NFIC: variants seen among roughly 807,000 people sequenced by gnomAD.
NFIC encodes nuclear factor I C.
A neutral mutation model predicts 54.4 loss-of-function variants in NFIC; 12 were observed. The ratio of observed to expected loss-of-function variants is 0.22; its 90% CI spans 0.14 to 0.36. The LOEUF is 0.36. NFIC is among the 10% of genes least tolerant of loss of function. NFIC has a pLI of 1.00. For synonymous variants in NFIC, 322 were observed against 319.2 expected (o/e 1.01, Z -0.09); for missense variants, 575 against 718.2 (o/e 0.80, Z 2.28).
intron 2 of NFIC, among the ~76,000 whole-genome samples, chr19:3,397,860 G>A (rs535599890): frequency 2.1e-4 from 32 of 152,348 alleles, no homozygotes; most frequent in Middle Eastern, 3.4e-3. Flanking sequence ...TCATGTGTCT[G>A]ACGGGGGTGG....
At chr19:3,391,870 G>A (rs1354838940) in intron 2 of NFIC, among the ~76,000 whole-genome samples, 1 of 152,068 alleles carries the variant, frequency 6.6e-6, no homozygotes, top group African/African-American at 2.4e-5. Flanking sequence ...CAATAAATAA[G>A]AAAAATAGTG....
At chr19:3,457,739 G>A (rs1244341429) in intron 10 of NFIC, 1 of 152,250 alleles carries the variant, frequency 6.6e-6, no homozygotes, top group African/African-American at 2.4e-5. Context: ...AGAGCCCACG[G>A]GCAAGGGTCA....
At chr19:3,384,498 C>G (rs2081262612) in intron 2 of NFIC, among the ~76,000 whole-genome samples, 1 of 152,110 alleles carries the variant, frequency 6.6e-6, no homozygotes, top group Non-Finnish European at 1.5e-5. Context: ...AAGCGATTCT[C>G]CTGCCTTTGC....
At chr19:3,385,680 C>T (rs1485588245) in intron 2 of NFIC, among the ~76,000 whole-genome samples, 1 of 148,298 alleles carries the variant, frequency 6.7e-6, no homozygotes, top group Non-Finnish European at 1.5e-5. Flanking sequence ...TCAAGCAATT[C>T]TCCTGCCTCA....
At position 3,413,134 on chromosome 19, in the gene NFIC, A is replaced by G. The variant is rs1434159029; in HGVS notation, c.563-11972A>G. Among the ~76,000 whole-genome samples the G allele has an allele frequency of 2.0e-5, 3 of 152,188 alleles. No homozygotes were observed. In the East Asian group the frequency reaches 5.8e-4, roughly 29 times the overall value. ...CGGCTAATTTTTGTATTTTTAGTAG[A>G]GATGGGGTTTCACCGTGTTAGCCAG... is the stretch of plus-strand genomic sequence containing the variant. On this transcript the variant is annotated intron_variant, in intron 2 of 10. Coordinates refer to ENST00000443272, the MANE Select transcript of NFIC (RefSeq NM_001245002.2).
chr19:3,445,258 G>C (rs2145663740), intron 6 of NFIC, among the ~76,000 whole-genome samples: 1 of 152,296 alleles, frequency 6.6e-6, no homozygotes, highest in East Asian at 1.9e-4. Flanking sequence ...GACAAGACCA[G>C]CCTGGCCTCC....
intron 1 of NFIC, among the ~76,000 whole-genome samples, chr19:3,371,908 C>T (rs919848237): frequency 1.6e-5 from 2 of 126,668 alleles, no homozygotes; most frequent in African/African-American, 3.0e-5. Context: ...TCCTTCCTTC[C>T]TTCCTTCCTT....
At chr19:3,402,743 G>A (rs2081577487) in intron 2 of NFIC, among the ~76,000 whole-genome samples, 1 of 152,232 alleles carries the variant, frequency 6.6e-6, no homozygotes, top group Non-Finnish European at 1.5e-5. Flanking sequence ...GAGACCAGGA[G>A]AGATCTCAAG....
chr19:3,360,850 G>A (rs998308194), intron 1 of NFIC, among the ~76,000 whole-genome samples: 2 of 152,324 alleles, frequency 1.3e-5, no homozygotes, highest in South Asian at 4.1e-4. Context: ...GTTGGGGGGG[G>A]TCGCCAGGGA....
At position 3,433,996 on chromosome 19, in the gene NFIC, C is replaced by A. The variant is rs537304947; in HGVS notation, c.710-281C>A. 2.0e-5 allele frequency among the ~76,000 whole-genome samples: 3 copies of A among 152,266 alleles called. No homozygotes were observed. In the East Asian group the frequency reaches 5.8e-4, roughly 29 times the overall value. ...CACCCCAGCGAGTCCTGGGCGCTGT[C>A]CTTCTTTAGCCCTGACTGACACCTT... On this transcript the variant is annotated intron_variant, in intron 4 of 10. Transcript: ENST00000443272.
chr19:3,381,754 C>G lies in NFIC; in HGVS notation c.73C>G (p.Arg25Gly). The change falls in exon 2 of 11, where the codon CGC becomes GGC. Residue 25 changes from arginine to glycine, a missense_variant. Around this residue, in one of 3 missense-constraint regions of NFIC, gnomAD observed 122 missense variants for 158.0 expected, o/e 0.77. Transcript: ENST00000443272. ...PFIEALLPHV[R>G]AFAYTWFNLQ... ...CATCGAGGCCCTGCTGCCTCACGTC[C>G]GCGCCTTCGCCTACACCTGGTTCAA... 2 of 1,613,862 alleles carry G rather than the reference C, an allele frequency of 1.2e-6. No individual in the cohort carries two copies. The highest frequency in any genetic ancestry group is 1.1e-5 in the South Asian group (1 of 91,090).
intron 1 of NFIC, among the ~76,000 whole-genome samples, chr19:3,372,707 T>TC (rs1555739438): frequency 2.3e-5 from 2 of 88,810 alleles, no homozygotes; most frequent in African/African-American, 8.7e-5. Context: ...GGCCCAGGAG[T>TC]GGGGTGGGGG....
intron 2 of NFIC, among the ~76,000 whole-genome samples, chr19:3,401,617 G>C (rs2081556469): frequency 2.0e-5 from 3 of 152,220 alleles, no homozygotes; most frequent in Admixed American, 2.0e-4. Context: ...TAGCGGGCAA[G>C]CTGGGATATG....
In NFIC at chr19:3,378,265, A is replaced by G. The variant is rs575969767; in HGVS notation, c.31-3447A>G. Among the ~76,000 whole-genome samples the G allele has an allele frequency of 1.9e-3, 289 of 150,904 alleles. 6 individuals are homozygous for G. The highest frequency in any genetic ancestry group is 2.4e-3 in the East Asian group (12 of 5,098). On this transcript the variant is annotated intron_variant, in intron 1 of 10. Transcript: ENST00000443272. Reference sequence around the variant, plus strand: ...GACAAGAGTGAAACTCTGTCTCAAAAAAAAAAAAAAAAAAAAGGAGATGGG... The same window carrying G: ...GACAAGAGTGAAACTCTGTCTCAAAGAAAAAAAAAAAAAAAAGGAGATGGG...
At chr19:3,419,723 C>T (rs749701286) in intron 2 of NFIC, among the ~76,000 whole-genome samples, 51 of 151,386 alleles carry the variant, frequency 3.4e-4, no homozygotes, top group Non-Finnish European at 5.9e-4. Flanking sequence ...CACTTGAACC[C>T]GGGAGGCAGA....
At chr19:3,441,468 C>T (rs370305073) in intron 6 of NFIC, among the ~76,000 whole-genome samples, 1 of 152,396 alleles carries the variant, frequency 6.6e-6, no homozygotes, top group Non-Finnish European at 1.5e-5. Context: ...GGCAGAGCCC[C>T]GAGCTTATGC....
chr19:3,429,919 G>A (rs929309933), intron 3 of NFIC, among the ~76,000 whole-genome samples: 5 of 152,152 alleles, frequency 3.3e-5, no homozygotes, highest in Non-Finnish European at 7.3e-5. Context: ...GTCACGGGGC[G>A]GTTGCCAGGC....
chr19:3,463,048 G>C lies in NFIC; in HGVS notation c.*279G>C. On this transcript the variant is annotated 3_prime_UTR_variant, in exon 11 of 11. Transcript: ENST00000443272. The stretch of plus-strand genomic sequence containing the variant: ...TTCCAACTCTCGGGACGCCAAGGCC[G>C]CAGGACTGGAGGGCCAGGCCCCGCC... The C allele has an allele frequency of 7.5e-7, 1 of 1,340,038 alleles. No homozygotes were observed. The highest frequency in any genetic ancestry group is 1.5e-5 in the African/African-American group (1 of 66,452). 83.0% of individuals were successfully genotyped at this position (1,340,038 alleles called of 1,614,324 possible).
intron 7 of NFIC, among the ~76,000 whole-genome samples, chr19:3,451,514 G>C (rs2082462087): frequency 6.6e-6 from 1 of 151,784 alleles, no homozygotes; most frequent in African/African-American, 2.4e-5. Flanking sequence ...CACGCCGGCA[G>C]TCCGTGCTAC....
Sources: allele counts gnomAD v4.1 joint callset (sites outside exome capture counted in the v4.1 genomes callset), GRCh38; gene constraint gnomAD v4.1.1; regional missense constraint gnomAD v4.1.1; transcripts MANE v1.5; gene names NCBI Gene and HGNC (gene_info 2026-07-23, HGNC 2026-07-21).